GPR158: variants seen among roughly 807,000 people sequenced by gnomAD.
GPR158 encodes G protein-coupled receptor 158.
GPR158 carries 30 observed loss-of-function variants against 78.2 expected under a neutral mutation model. That is an observed-to-expected ratio of 0.38 (90% CI 0.29 to 0.52). The LOEUF (loss-of-function observed/expected upper bound fraction) is 0.52, where lower values mean the gene tolerates loss of function less well. Ranked by LOEUF, GPR158 falls within the 20% of genes least tolerant of loss-of-function variation. GPR158 has a pLI of 0.83. For missense variants in GPR158, 1,463 were observed against 1,523.5 expected, an observed-to-expected ratio of 0.96 and a Z score of 0.66; for synonymous variants, 581 against 591.1, an observed-to-expected ratio of 0.98 and a Z score of 0.25.
At chr10:25,326,544 G>A (rs1855036116) in intron 2 of GPR158, among the ~76,000 whole-genome samples, 1 of 152,016 alleles carries the variant, frequency 6.6e-6, no homozygotes. Context: ...TTTATATGTT[G>A]AGTCTTTAAA....
chr10:25,186,366 T>A (rs1393315341), intron 1 of GPR158, among the ~76,000 whole-genome samples: 2 of 151,872 alleles, frequency 1.3e-5, no homozygotes, highest in Non-Finnish European at 2.9e-5. Flanking sequence ...AAGAAATAAC[T>A]AAGATCAGAG....
At chr10:25,472,717 T>G (rs1835525113) in intron 5 of GPR158, among the ~76,000 whole-genome samples, 1 of 152,214 alleles carries the variant, frequency 6.6e-6, no homozygotes, top group South Asian at 2.1e-4. Flanking sequence ...TTTATTCTAT[T>G]TGAAGCATTG....
intron 2 of GPR158, among the ~76,000 whole-genome samples, chr10:25,313,068 T>A (rs1312830493): frequency 2.0e-5 from 3 of 151,902 alleles, no homozygotes; most frequent in African/African-American, 7.3e-5. Flanking sequence ...TTAATATATT[T>A]TTCTTCTCTA....
At chr10:25,237,529 T>C (rs956796198) in intron 2 of GPR158, among the ~76,000 whole-genome samples, 6 of 152,212 alleles carry the variant, frequency 3.9e-5, no homozygotes, top group African/African-American at 1.2e-4. Flanking sequence ...TGTGCTTTAG[T>C]TTCTTTTGTT....
At chr10:25,559,636 A>T (rs1302572855) in intron 6 of GPR158, among the ~76,000 whole-genome samples, 1 of 152,228 alleles carries the variant, frequency 6.6e-6, no homozygotes, top group East Asian at 1.9e-4. Context: ...AAGCCATATT[A>T]TGAGAAAAGC....
intron 2 of GPR158, among the ~76,000 whole-genome samples, chr10:25,248,367 T>C (rs910526768): frequency 3.3e-5 from 5 of 152,174 alleles, no homozygotes; most frequent in African/African-American, 1.2e-4. Flanking sequence ...TTGCTTTTGG[T>C]GTTTTGGACA....
intron 2 of GPR158, among the ~76,000 whole-genome samples, chr10:25,315,050 A>G (rs567187568): frequency 5.9e-5 from 9 of 151,812 alleles, no homozygotes; most frequent in East Asian, 5.8e-4. Flanking sequence ...TGACCTAAAT[A>G]TGATAAAATT....
intron 2 of GPR158, among the ~76,000 whole-genome samples, chr10:25,351,309 G>C (rs1438709585): frequency 6.6e-6 from 1 of 151,974 alleles, no homozygotes; most frequent in Non-Finnish European, 1.5e-5. Flanking sequence ...GACAGACTTA[G>C]GGAGTGCGGG....
chr10:25,588,915 A>T, intron 7 of GPR158, 92 bp from the exon 8 acceptor site: 1 of 784,692 alleles, frequency 1.3e-6, no homozygotes, highest in East Asian at 2.6e-5. Flanking sequence ...TTTATAAAAA[A>T]CTTATGTTGA....
chr10:25,375,889 G>A (rs186622526), intron 2 of GPR158, among the ~76,000 whole-genome samples: 1,643 of 151,578 alleles, frequency 0.011, 8 homozygotes, highest in Non-Finnish European at 0.016. Context: ...AATTTTTAAT[G>A]TAAGTTAATA....
In GPR158 at chr10:25,598,043, C is replaced by G; in HGVS notation, c.2417C>G (p.Thr806Ser). ...SGNTGKSKEE[T>S]LKNRVFSLKK... ...AACACAGGGAAATCCAAGGAGGAGA[C>G]CCTGAAAAACCGAGTCTTCTCACTC... Residue 806 changes from threonine to serine, a missense_variant, in exon 11 of 11, where the codon ACC (threonine) becomes AGC (serine). Physicochemically the swap from Thr to Ser is moderately conservative, Grantham distance 58 (BLOSUM62 1). Transcript: ENST00000376351. 1 of 1,614,046 alleles carries G rather than the reference C, an allele frequency of 6.2e-7. No homozygotes were observed. Among genetic ancestry groups the G allele is most frequent in the Non-Finnish European group, 8.5e-7 (1 of 1,180,030 alleles).
intron 5 of GPR158, among the ~76,000 whole-genome samples, chr10:25,502,107 T>G (rs534748894): frequency 6.6e-6 from 1 of 152,254 alleles, no homozygotes; most frequent in South Asian, 2.1e-4. Flanking sequence ...TTCCTGCTTC[T>G]TGAGATGAAA....
intron 5 of GPR158, among the ~76,000 whole-genome samples, chr10:25,549,756 A>G (rs1836705820): frequency 6.6e-6 from 1 of 152,134 alleles, no homozygotes; most frequent in South Asian, 2.1e-4. Flanking sequence ...GAGAAATGCC[A>G]GGGGAGTTTA....
chr10:25,235,561 A>G (rs1476232377), intron 2 of GPR158, among the ~76,000 whole-genome samples: 2 of 151,482 alleles, frequency 1.3e-5, no homozygotes, highest in South Asian at 2.1e-4. Flanking sequence ...TTTTCTAGAG[A>G]TAGTATTGCA....
chr10:25,381,128 T>C (rs1388982209), intron 2 of GPR158, among the ~76,000 whole-genome samples: 2 of 151,954 alleles, frequency 1.3e-5, no homozygotes, highest in South Asian at 2.1e-4. Context: ...AGGAGGAGAA[T>C]TGAATATTTG....
In GPR158 at chr10:25,601,929, T is replaced by G. The variant is rs3758451; in HGVS notation, c.*2655T>G. On this transcript the variant is annotated 3_prime_UTR_variant, in exon 11 of 11. Coordinates refer to ENST00000376351, the MANE Select transcript of GPR158 (RefSeq NM_020752.3). ...AAGTATAACTCAACCCATTGTAAAC[T>G]TTGGTGGCAATATGGATTTGAAACT... 1.3e-5 allele frequency: 2 copies of G among 152,630 alleles called. No individual in the cohort carries two copies. The highest frequency in any genetic ancestry group is 4.8e-5 in the African/African-American group (2 of 41,464). 9.5% of individuals were successfully genotyped at this position (152,630 alleles called of 1,614,324 possible). A position where few individuals can be genotyped will look rare whatever the true frequency, so the allele number is the denominator to read the frequency against.
chr10:25,574,928 G>A (rs930959336), intron 7 of GPR158, among the ~76,000 whole-genome samples: 2 of 151,930 alleles, frequency 1.3e-5, no homozygotes, highest in Admixed American at 6.6e-5. Flanking sequence ...TGGGCCAGGG[G>A]CAGTGGCTCA....
intron 2 of GPR158, among the ~76,000 whole-genome samples, chr10:25,312,860 A>G (rs929637673): frequency 1.1e-4 from 17 of 152,106 alleles, no homozygotes; most frequent in Admixed American, 8.5e-4. Flanking sequence ...ATTTGATGCC[A>G]TTGCCTTGAT....
chr10:25,415,532 C>G (rs58552237), intron 4 of GPR158, among the ~76,000 whole-genome samples: 118 of 152,160 alleles, frequency 7.8e-4, no homozygotes, highest in African/African-American at 2.7e-3. Context: ...ATTGGACACT[C>G]TCATTCATTC....
Sources: gnomAD v4.1 joint callset for allele counts (sites outside exome capture counted in the v4.1 genomes callset) on GRCh38, gnomAD v4.1.1 for gene constraint, MANE v1.5 for transcripts, NCBI Gene and HGNC (gene_info 2026-07-23, HGNC 2026-07-21) for gene names.